The following ANO1 variants were observed in gnomAD, a reference collection of about 807,000 sequenced individuals.
ANO1 encodes anoctamin 1, also known as anoctamin-1.
ANO1 carries 59 observed loss-of-function variants against 124.0 expected under a neutral mutation model. The observed-to-expected ratio is 0.48, with a 90% confidence interval of 0.39 to 0.59. The LOEUF is 0.59. Among genes scored for constraint, ANO1 ranks in the 20% least tolerant of loss-of-function variants. The probability of loss-of-function intolerance (pLI) is 0.00; values close to 1 mark genes in which losing one functional copy is unlikely to be tolerated. For missense variants in ANO1, 1,059 were observed against 1,328.0 expected (o/e 0.80, Z 3.15); for synonymous variants, 529 against 532.0 (o/e 0.99, Z 0.08).
intron 1 of ANO1, among the ~76,000 whole-genome samples, chr11:70,018,568 G>A (rs1856742424): frequency 6.6e-6 from 1 of 152,072 alleles, no homozygotes; most frequent in Admixed American, 6.5e-5. Flanking sequence ...GACCGTAGCT[G>A]CACCACCTGC....
chr11:70,037,841 C>T (rs1857119799), intron 1 of ANO1, among the ~76,000 whole-genome samples: 1 of 152,128 alleles, frequency 6.6e-6, no homozygotes, highest in South Asian at 2.1e-4. Context: ...CAATTACTGC[C>T]ATTTGCAGCT....
At chr11:70,030,667 T>A (rs1555003720) in intron 1 of ANO1, among the ~76,000 whole-genome samples, 1 of 152,170 alleles carries the variant, frequency 6.6e-6, no homozygotes, top group Non-Finnish European at 1.5e-5. Flanking sequence ...GCTCTTGTGG[T>A]GACATTAGGA....
At chr11:70,033,659 T>A (rs1222029560) in intron 1 of ANO1, among the ~76,000 whole-genome samples, 1 of 152,060 alleles carries the variant, frequency 6.6e-6, no homozygotes, top group Non-Finnish European at 1.5e-5. Flanking sequence ...GGATGGGGGA[T>A]GCCTGCCTTC....
chr11:70,048,882 T>C (rs1857303762), intron 1 of ANO1, among the ~76,000 whole-genome samples: 2 of 152,122 alleles, frequency 1.3e-5, no homozygotes, highest in Non-Finnish European at 2.9e-5. Context: ...GACAGGATCC[T>C]GGACAGTGTG....
At chr11:69,971,777 G>T in the ANO1 span, among the ~76,000 whole-genome samples, 1 of 151,954 alleles carries the variant, frequency 6.6e-6, no homozygotes, top group Non-Finnish European at 1.5e-5. Flanking sequence ...ACCCAGTAGG[G>T]GTGTCCTCCC....
At chr11:69,972,814 C>T in the ANO1 span, among the ~76,000 whole-genome samples, 1 of 152,108 alleles carries the variant, frequency 6.6e-6, no homozygotes, top group Non-Finnish European at 1.5e-5. Context: ...ATCTACCTGC[C>T]GGCCTCCATT....
At chr11:70,074,233 C>A (rs1417077398), upstream of ANO1, among the ~76,000 whole-genome samples, 1 of 152,102 alleles carries the variant, frequency 6.6e-6, no homozygotes, top group African/African-American at 2.4e-5. Context: ...TCCTTTCCCT[C>A]CCCTGGGCTG....
chr11:70,119,366 ATGAT>A (rs1203789975), intron 8 of ANO1, among the ~76,000 whole-genome samples: 1 of 132,320 alleles, frequency 7.6e-6, no homozygotes. Context: ...GGGTGGATGA[ATGAT>A]GGATGGATGG....
the ANO1 span, among the ~76,000 whole-genome samples, chr11:69,967,157 G>A: frequency 3.8e-4 from 8 of 20,814 alleles, no homozygotes; most frequent in Non-Finnish European, 1.3e-3. Context: ...TGTCTGTATC[G>A]CACGTTAGCT....
At chr11:70,107,945 G>A (rs2045623922) in intron 5 of ANO1, among the ~76,000 whole-genome samples, 1 of 152,204 alleles carries the variant, frequency 6.6e-6, no homozygotes, top group Admixed American at 6.5e-5. Flanking sequence ...TCAGGGCTGT[G>A]TCCCAGAGTG....
chr11:70,045,547 C>T (rs149381769), intron 1 of ANO1, among the ~76,000 whole-genome samples: 197 of 152,316 alleles, frequency 1.3e-3, no homozygotes, highest in Middle Eastern at 6.8e-3. Flanking sequence ...AGAAAATATT[C>T]CAGGCCAGGC....
chr11:70,132,398 C>G (rs770265684), intron 11 of ANO1, among the ~76,000 whole-genome samples: 1 of 152,120 alleles, frequency 6.6e-6, no homozygotes, highest in Non-Finnish European at 1.5e-5. Context: ...CAGGGAGGCC[C>G]GAGGGTCCTG....
At chr11:70,105,878 G>T (rs2045513547) in intron 5 of ANO1, 90 bp downstream of exon 5, 1 of 1,317,150 alleles carries the variant, frequency 7.6e-7, no homozygotes, top group African/African-American at 1.5e-5. Context: ...ACTCCTCCCG[G>T]TGGAAGCCGG....
chr11:69,972,795 T>C, the ANO1 span, among the ~76,000 whole-genome samples: 1 of 152,168 alleles, frequency 6.6e-6, no homozygotes, highest in Non-Finnish European at 1.5e-5. Flanking sequence ...CTTCCCCAGA[T>C]GCCTGCAGAT....
At position 70,054,553 on chromosome 11, in the gene ANO1, C is replaced by G. The variant is rs558428458; in HGVS notation, c.59-23989C>G. Reference sequence around the variant, plus strand: ...CTCTGTTGTAGGAAGGTATATTTGTCAAAGTAGAAACAGCAAATATGTCAT... The same window carrying G: ...CTCTGTTGTAGGAAGGTATATTTGTGAAAGTAGAAACAGCAAATATGTCAT... On this transcript the variant is annotated intron_variant, in intron 1 of 27. Transcript: ENST00000531349. Among the ~76,000 whole-genome samples, 8 of 152,356 alleles carry G rather than the reference C, an allele frequency of 5.3e-5. No homozygotes were observed. In the South Asian group the frequency reaches 1.7e-3, roughly 32 times the overall value.
At chr11:69,972,580 A>T in the ANO1 span, among the ~76,000 whole-genome samples, 1 of 152,116 alleles carries the variant, frequency 6.6e-6, no homozygotes, top group Non-Finnish European at 1.5e-5. Context: ...ACAATTCATG[A>T]CCCACTGGGT....
rs1356189852 is a variant in ANO1 at position 70,019,318 on chromosome 11, GCACACACACGCA to G, written c.58+33154_58+33165del. 7.1e-5 allele frequency among the ~76,000 whole-genome samples: 10 copies of G among 141,042 alleles called. No individual in the cohort carries two copies. In the Admixed American group the frequency reaches 8.0e-4, roughly 11 times the overall value. The allele number at this position is 141,042 out of a possible 152,430, so 92.5% of individuals were successfully genotyped here. A position where few individuals can be genotyped will look rare whatever the true frequency, so the allele number is the denominator to read the frequency against. ...CACGCTACACACATGCCATGCACAT[GCACACACACGCA>G]CGCACACACACATGCACACACGCAT... On this transcript the variant is annotated intron_variant, in intron 1 of 27. Coordinates refer to the ANO1 transcript ENST00000531349.
At chr11:70,121,558 CCT>C (rs1236645829) in intron 8 of ANO1, among the ~76,000 whole-genome samples, 30 of 142,486 alleles carry the variant, frequency 2.1e-4, no homozygotes, top group African/African-American at 7.5e-4. Context: ...CACCTTCCCA[CCT>C]CTCTCTATCT....
chr11:70,116,348 A>G, intron 7 of ANO1, 110 bp from the exon 8 acceptor site: 1 of 1,134,898 alleles, frequency 8.8e-7, no homozygotes, highest in South Asian at 1.4e-5. Context: ...GATGATCTTA[A>G]TTTGTGTCAA....
Sources: allele counts gnomAD v4.1 joint callset (sites outside exome capture counted in the v4.1 genomes callset), GRCh38; gene constraint gnomAD v4.1.1; transcripts MANE v1.5; gene names NCBI Gene and HGNC (gene_info 2026-07-23, HGNC 2026-07-21).